The following PLXDC1 variants were observed in gnomAD, a reference collection of about 807,000 sequenced individuals.
PLXDC1 encodes the protein plexin domain containing 1, also known as plexin domain-containing protein 1.
A neutral mutation model predicts 61.3 loss-of-function variants in PLXDC1; 39 were observed. The observed-to-expected ratio is 0.64, with a 90% CI of 0.49 to 0.83. PLXDC1 has a LOEUF of 0.83. Among genes scored for constraint, PLXDC1 ranks in the 40% least tolerant of loss-of-function variants. PLXDC1 has a pLI of 0.00. For missense variants in PLXDC1, 596 were observed against 666.5 expected (o/e 0.89, Z 1.17); for synonymous variants, 212 against 254.5 (o/e 0.83, Z 1.59).
rs531679104 is a variant in PLXDC1, at chr17:39,138,980, G to A, written c.255+674C>T. On this transcript the variant is annotated intron_variant, in intron 2 of 13. Coordinates refer to ENST00000315392, the MANE Select transcript of PLXDC1 (RefSeq NM_020405.5). ...TAATATACAAAATCATCTGACACAG[G>A]TGCGAACCCAGCGTCCATGACACAC... Among the ~76,000 whole-genome samples the A allele has an allele frequency of 3.9e-5, 6 of 152,120 alleles. No individual in the cohort carries two copies. The South Asian group carries it at 1.2e-3, about 32-fold the overall frequency.
intron 3 of PLXDC1, 36 bp from the exon 4 acceptor site, chr17:39,109,009 C>T: frequency 6.5e-7 from 1 of 1,541,658 alleles, no homozygotes; most frequent in Non-Finnish European, 9.0e-7. Flanking sequence ...ACGGGCCAAG[C>T]TGCAGGCCAG....
chr17:39,114,129 T>G (rs1387085825), intron 2 of PLXDC1, among the ~76,000 whole-genome samples: 2 of 152,178 alleles, frequency 1.3e-5, no homozygotes, highest in Non-Finnish European at 2.9e-5. Context: ...GATGGTGAAG[T>G]GGACAACTAG....
intron 10 of PLXDC1, among the ~76,000 whole-genome samples, chr17:39,078,610 C>T (rs961666076): frequency 1.3e-5 from 2 of 152,178 alleles, no homozygotes; most frequent in Admixed American, 1.3e-4. Flanking sequence ...ATGCTTTCCA[C>T]CTAGAATCAG....
intron 7 of PLXDC1, among the ~76,000 whole-genome samples, chr17:39,097,346 CT>C (rs1910246076): frequency 6.6e-6 from 1 of 152,198 alleles, no homozygotes; most frequent in Non-Finnish European, 1.5e-5. Flanking sequence ...TCTTCCTGAA[CT>C]TCTGTTTCCT....
chr17:39,150,404 C>A (rs143641286), intron 1 of PLXDC1, among the ~76,000 whole-genome samples: 2 of 152,296 alleles, frequency 1.3e-5, no homozygotes, highest in African/African-American at 4.8e-5. Context: ...ACCTCAACAG[C>A]GCCTCCCTCA....
chr17:39,088,818 A>G lies in PLXDC1; in HGVS notation c.812-1116T>C, dbSNP rs186506136. 4.6e-5 allele frequency among the ~76,000 whole-genome samples: 7 copies of G among 151,774 alleles called. No homozygotes were observed. In the East Asian group the frequency reaches 7.8e-4, roughly 17 times the overall value. Reference sequence around the variant, plus strand: ...ACAAAAATTAGCTGGGTGTGGTGGTACACGCCTGTAATCCCAGCTACTTGA... The same window carrying G: ...ACAAAAATTAGCTGGGTGTGGTGGTGCACGCCTGTAATCCCAGCTACTTGA... On this transcript the variant is annotated intron_variant, in intron 7 of 13. Coordinates refer to ENST00000315392, the MANE Select transcript of PLXDC1 (RefSeq NM_020405.5).
intron 1 of PLXDC1, among the ~76,000 whole-genome samples, chr17:39,145,230 C>G (rs1912058359): frequency 6.6e-6 from 1 of 152,190 alleles, no homozygotes; most frequent in South Asian, 2.1e-4. Flanking sequence ...GGGCCTGAAC[C>G]TGAGAGCTTC....
chr17:39,147,543 C>T lies in PLXDC1; in HGVS notation c.76+3819G>A, dbSNP rs115992082. ...AAATCCTGCCTCCAAGTTACAAAGC[C>T]CCTAACCATACCCTCTCCCTTTCCT... On this transcript the variant is annotated intron_variant, in intron 1 of 13. Coordinates refer to ENST00000315392, the MANE Select transcript of PLXDC1 (RefSeq NM_020405.5). Among the ~76,000 whole-genome samples the T allele has an allele frequency of 6.7e-3, 1,024 of 152,260 alleles. 13 individuals are homozygous for T. Among genetic ancestry groups the T allele is most frequent in the African/African-American group, 0.023 (961 of 41,552 alleles).
In PLXDC1 at chr17:39,108,988, A is replaced by G. The variant is rs1420449948; in HGVS notation, c.400-15T>C. The G allele has an allele frequency of 1.2e-6, 2 of 1,602,432 alleles. No homozygotes were observed. Among genetic ancestry groups the G allele is most frequent in the Non-Finnish European group, 1.7e-6 (2 of 1,169,828 alleles). ...AAGACCACTCTCTGCAGGGGATGGG[A>G]GAAAGTCAGCACGGGCCAAGCTGCA... On this transcript the variant is annotated splice_polypyrimidine_tract_variant and intron_variant, in intron 3 of 13. Coordinates refer to ENST00000315392, the MANE Select transcript of PLXDC1 (RefSeq NM_020405.5).
At chr17:39,087,468 C>T (rs1245361263) in intron 8 of PLXDC1, 139 bp downstream of exon 8, 10 of 665,490 alleles carry the variant, frequency 1.5e-5, no homozygotes, top group Admixed American at 8.9e-5. Flanking sequence ...GCATCAGGCT[C>T]GGGTTACAAA....
At chr17:39,097,958 A>C (rs1254665306) in intron 7 of PLXDC1, among the ~76,000 whole-genome samples, 1 of 150,052 alleles carries the variant, frequency 6.7e-6, no homozygotes, top group Non-Finnish European at 1.5e-5. Flanking sequence ...TAATCCCGGC[A>C]CTTTGGGAGG....
intron 1 of PLXDC1, among the ~76,000 whole-genome samples, chr17:39,143,943 G>C (rs73983226): frequency 0.011 from 1,744 of 152,310 alleles, 19 homozygotes; most frequent in African/African-American, 0.022. Flanking sequence ...TGCTGGGCTG[G>C]TCTGCCCAGC....
intron 1 of PLXDC1, among the ~76,000 whole-genome samples, chr17:39,149,191 C>G (rs2045358800): frequency 1.3e-5 from 2 of 152,126 alleles, no homozygotes; most frequent in South Asian, 4.1e-4. Context: ...ACCAAACAAG[C>G]CTGTCCATCA....
chr17:39,087,516 C>A, intron 8 of PLXDC1, 91 bp downstream of exon 8: 1 of 1,013,474 alleles, frequency 9.9e-7, no homozygotes, highest in South Asian at 1.3e-5. Context: ...GGTGGCTGCA[C>A]AAAACAGGAG....
chr17:39,087,606 C>A lies in PLXDC1; in HGVS notation c.907+1G>T. On this transcript the variant is annotated splice_donor_variant, in intron 8 of 13. Transcript: ENST00000315392. LOFTEE classifies it high-confidence loss of function. The stretch of plus-strand genomic sequence containing the variant: ...GGGATGGCGGAATGACCCCTACTCA[C>A]TCGGCAATGGGGTGAACTCCACGGC... 1 of 1,610,950 alleles carries A rather than the reference C, an allele frequency of 6.2e-7. No individual in the cohort carries two copies.
At chr17:39,104,320 C>A (rs189690372) in intron 7 of PLXDC1, among the ~76,000 whole-genome samples, 2 of 152,264 alleles carry the variant, frequency 1.3e-5, no homozygotes, top group Admixed American at 1.3e-4. Context: ...AGTGTGGACT[C>A]CAGCTCAGGC....
At chr17:39,138,250 A>G (rs1022970631) in intron 2 of PLXDC1, among the ~76,000 whole-genome samples, 2 of 152,142 alleles carry the variant, frequency 1.3e-5, no homozygotes, top group Non-Finnish European at 2.9e-5. Context: ...CTGGAATTAC[A>G]TTTGAGGCTA....
intron 11 of PLXDC1, among the ~76,000 whole-genome samples, chr17:39,075,113 C>T (rs1299036356): frequency 6.6e-6 from 1 of 152,210 alleles, no homozygotes; most frequent in Non-Finnish European, 1.5e-5. Flanking sequence ...ATGTGCGCCA[C>T]CACGCCCAGC....
rs75268487 is a variant in PLXDC1, at chr17:39,141,324, C to T, written c.77-1492G>A. The stretch of plus-strand genomic sequence containing the variant: ...CTGGGATTACAGATATGAGCCACAG[C>T]GCGCAGCCTGTATCTATGATTTTGA... On this transcript the variant is annotated intron_variant, in intron 1 of 13. Coordinates refer to ENST00000315392, the MANE Select transcript of PLXDC1 (RefSeq NM_020405.5). Among the ~76,000 whole-genome samples the T allele has an allele frequency of 8.5e-5, 13 of 152,340 alleles. No homozygotes were observed. In the South Asian group the frequency reaches 1.4e-3, roughly 17 times the overall value.
Sources: gnomAD v4.1 joint callset for allele counts (sites outside exome capture counted in the v4.1 genomes callset) on GRCh38, gnomAD v4.1.1 for gene constraint, MANE v1.5 for transcripts, NCBI Gene and HGNC (gene_info 2026-07-23, HGNC 2026-07-21) for gene names.